The following SENP7 variants were observed in gnomAD, a reference collection of about 807,000 sequenced individuals.
SENP7 encodes the protein sentrin-specific protease 7.
Under a neutral mutation model 141.2 loss-of-function variants are expected in SENP7, and 64 were observed. The ratio of observed to expected loss-of-function variants is 0.45; its 90% CI spans 0.37 to 0.56. SENP7 has a LOEUF of 0.56. Among genes scored for constraint, SENP7 ranks in the 20% least tolerant of loss-of-function variants. The pLI, the probability that SENP7 is intolerant of heterozygous loss-of-function variation, is 0.00. For missense variants in SENP7, 1,025 were observed against 1,212.2 expected, an observed-to-expected ratio of 0.85 and a Z score of 2.29; for synonymous variants, 382 against 426.4, an observed-to-expected ratio of 0.90 and a Z score of 1.28.
At position 101,416,783 on chromosome 3, in the gene SENP7, A is replaced by G. The variant is rs115024440; in HGVS notation, c.482+810T>C. ...TTTAAAAATAACTGTGTTGAAAGTT[A>G]GCAGTTTTTATCTGGGTCTTGGTTT... On this transcript the variant is annotated intron_variant, in intron 5 of 23. Coordinates refer to ENST00000394095, the MANE Select transcript of SENP7 (RefSeq NM_020654.5). Among the ~76,000 whole-genome samples, 934 of 152,320 alleles carry G rather than the reference A, an allele frequency of 6.1e-3. 6 individuals are homozygous for G. The highest frequency in any genetic ancestry group is 0.022 in the African/African-American group (900 of 41,578).
intron 5 of SENP7, among the ~76,000 whole-genome samples, chr3:101,413,138 T>A (rs929354530): frequency 1.3e-5 from 2 of 152,182 alleles, no homozygotes; most frequent in Non-Finnish European, 2.9e-5. Context: ...ACTCAATGAT[T>A]AAACTTTAGG....
At chr3:101,413,883 C>T (rs994694911) in intron 5 of SENP7, among the ~76,000 whole-genome samples, 22 of 152,126 alleles carry the variant, frequency 1.4e-4, no homozygotes, top group African/African-American at 4.1e-4. Context: ...TAAGCAAAGG[C>T]GAGATCATTA....
intron 3 of SENP7, among the ~76,000 whole-genome samples, chr3:101,466,693 C>T (rs1300134695): frequency 1.3e-5 from 2 of 152,124 alleles, no homozygotes; most frequent in Non-Finnish European, 2.9e-5. Context: ...GTTATCACTA[C>T]AAAAAGCCAC....
At chr3:101,452,914 C>G (rs1387729253) in intron 4 of SENP7, among the ~76,000 whole-genome samples, 10 of 152,190 alleles carry the variant, frequency 6.6e-5, no homozygotes, top group Non-Finnish European at 1.2e-4. Flanking sequence ...AAACTACCAT[C>G]AGAGTGAACA....
At chr3:101,328,390 T>C (rs2058960612) in intron 22 of SENP7, 88 bp downstream of exon 22, 1 of 835,998 alleles carries the variant, frequency 1.2e-6, no homozygotes, top group African/African-American at 1.7e-5. Context: ...TAATTCCTGA[T>C]ATAGTCTTTT....
At position 101,341,698 on chromosome 3, in the gene SENP7, A is replaced by T. The variant is rs1201908543; in HGVS notation, c.2188T>A (p.Ser730Thr). 4.3e-6 allele frequency: 7 copies of T among 1,611,598 alleles called. No homozygotes were observed. The South Asian group carries it at 7.7e-5, about 18-fold the overall frequency. ...TCTCGCCATTCTTCATCTGGATTAG[A>T]TGTAATAGAAAGGGAGTAGCAACCG... is the stretch of plus-strand genomic sequence containing the variant. The part of the protein sequence containing the change: ...SSGCYSLSIT[S>T]NPDEEWREVR... The change falls in exon 15 of 24, where the codon TCT (serine) becomes ACT (threonine). Residue 730 changes from serine (S) to threonine (T), a missense_variant. Around this residue, in one of 4 missense-constraint regions of SENP7, gnomAD observed 295 missense variants for 459.1 expected, o/e 0.64. Transcript: ENST00000394095.
At chr3:101,511,276 A>T (rs1344253818) in intron 1 of SENP7, among the ~76,000 whole-genome samples, 9 of 152,244 alleles carry the variant, frequency 5.9e-5, no homozygotes, top group Non-Finnish European at 1.2e-4. Context: ...ACAAATAAAT[A>T]AATCTAAGTG....
chr3:101,474,711 C>T (rs1409811831), intron 3 of SENP7, among the ~76,000 whole-genome samples: 2 of 152,024 alleles, frequency 1.3e-5, no homozygotes, highest in Non-Finnish European at 2.9e-5. Flanking sequence ...ACTTCCAATA[C>T]TATGTTGAAT....
At chr3:101,496,853 T>C (rs931876735) in intron 2 of SENP7, among the ~76,000 whole-genome samples, 3 of 152,164 alleles carry the variant, frequency 2.0e-5, no homozygotes, top group Non-Finnish European at 4.4e-5. Flanking sequence ...GCTGGGATTA[T>C]AGGCATGAGC....
intron 6 of SENP7, among the ~76,000 whole-genome samples, chr3:101,385,122 GAATA>G (rs2060616109): frequency 6.6e-6 from 1 of 152,090 alleles, no homozygotes. Flanking sequence ...GGATTTACTA[GAATA>G]AATATATGGA....
intron 4 of SENP7, among the ~76,000 whole-genome samples, chr3:101,452,137 C>T (rs1156970451): frequency 6.6e-6 from 1 of 151,666 alleles, no homozygotes; most frequent in Non-Finnish European, 1.5e-5. Flanking sequence ...GAATAAAATA[C>T]CTAGGAATCC....
intron 1 of SENP7, among the ~76,000 whole-genome samples, chr3:101,508,527 A>T (rs1378415996): frequency 6.6e-6 from 1 of 152,134 alleles, no homozygotes; most frequent in Non-Finnish European, 1.5e-5. Flanking sequence ...TGAACCCAGG[A>T]GGCGGAGCTT....
chr3:101,360,117 T>A (rs2059855617), intron 11 of SENP7, among the ~76,000 whole-genome samples: 1 of 152,092 alleles, frequency 6.6e-6, no homozygotes, highest in Non-Finnish European at 1.5e-5. Flanking sequence ...TAAAATTCCT[T>A]AAAGAAAAAG....
Position 101,361,774 on chromosome 3 carries a change from A to T in SENP7, c.1564T>A (p.Phe522Ile). ...CCAATATAAACAGAAGTAAATATAA[A>T]ATCCAGTTGTAGATCCATCTCATTA... ...PSNEMDLQLD[F>I]IFTSVYIGKI... The change falls in exon 11 of 24, where the codon TTT becomes ATT. Residue 522 changes from phenylalanine to isoleucine, a missense_variant. Coordinates refer to ENST00000394095, the MANE Select transcript of SENP7 (RefSeq NM_020654.5). 6.2e-7 allele frequency: 1 copy of T among 1,607,322 alleles called. No individual in the cohort carries two copies. Among genetic ancestry groups the T allele is most frequent in the Non-Finnish European group, 8.5e-7 (1 of 1,177,728 alleles).
intron 2 of SENP7, among the ~76,000 whole-genome samples, chr3:101,494,543 A>G (rs2065089005): frequency 6.6e-6 from 1 of 152,028 alleles, no homozygotes; most frequent in Non-Finnish European, 1.5e-5. Context: ...CAAAATTACT[A>G]TTTTATCTAT....
intron 4 of SENP7, among the ~76,000 whole-genome samples, chr3:101,439,739 C>G: frequency 1.8e-4 from 6 of 33,614 alleles, no homozygotes; most frequent in Admixed American, 1.1e-3. Flanking sequence ...GGTCAGCCCC[C>G]CGCCTGGCCA....
intron 1 of SENP7, among the ~76,000 whole-genome samples, chr3:101,505,637 T>G (rs2108189477): frequency 1.3e-5 from 2 of 152,322 alleles, no homozygotes; most frequent in South Asian, 4.1e-4. Flanking sequence ...GTGCCTCGAC[T>G]TGAGACTGTA....
intron 11 of SENP7, among the ~76,000 whole-genome samples, chr3:101,360,856 T>C (rs1014498933): frequency 6.6e-6 from 1 of 152,140 alleles, no homozygotes; most frequent in Non-Finnish European, 1.5e-5. Context: ...AGTCAGTATA[T>C]CAGAGAAGCT....
chr3:101,344,402 G>T (rs79838419), intron 13 of SENP7, among the ~76,000 whole-genome samples: 1 of 152,100 alleles, frequency 6.6e-6, no homozygotes, highest in African/African-American at 2.4e-5. Context: ...ATAAATGGCT[G>T]TTTCTATTTT....
Sources: gnomAD v4.1 joint callset for allele counts (sites outside exome capture counted in the v4.1 genomes callset) on GRCh38, gnomAD v4.1.1 for gene constraint, gnomAD v4.1.1 regional missense constraint, MANE v1.5 for transcripts, NCBI Gene and HGNC (gene_info 2026-07-23, HGNC 2026-07-21) for gene names.